The following BTBD8 variants were observed in gnomAD, a reference collection of about 807,000 sequenced individuals.
The protein encoded by BTBD8 is BTB domain containing 8.
Under a neutral mutation model 162.9 loss-of-function variants are expected in BTBD8, and 110 were observed. The observed-to-expected ratio is 0.68, with a 90% CI of 0.58 to 0.79. The LOEUF (loss-of-function observed/expected upper bound fraction) is 0.79. Among genes scored for constraint, BTBD8 ranks in the 30% least tolerant of loss-of-function variants. The pLI is 0.00. For synonymous variants in BTBD8, 667 were observed against 716.1 expected (o/e 0.93, Z 1.10); for missense variants, 1,905 against 2,085.4 (o/e 0.91, Z 1.68).
In BTBD8 at chr1:92,177,141, T is replaced by C. The variant is rs1211721194; in HGVS notation, c.1948T>C (p.Leu650=). The C allele has an allele frequency of 1.9e-6, 3 of 1,551,476 alleles. No homozygotes were observed. Among genetic ancestry groups the C allele is most frequent in the East Asian group, 4.9e-5 (2 of 40,914 alleles). The change falls in exon 14 of 18, where the codon TTG becomes CTG. Residue 650 remains leucine, a synonymous_variant. Coordinates refer to ENST00000636805, the MANE Select transcript of BTBD8 (RefSeq NM_001376131.1). ...SKTENGDKAR[L]ENMSPRQVVE... ...AACAGAAAATGGTGATAAGGCACGG[T>C]TGGAAAACATGTCACCTAGACAAGT...
intron 5 of BTBD8, among the ~76,000 whole-genome samples, chr1:92,134,130 A>T (rs1294443540): frequency 4.6e-5 from 1 of 21,726 alleles, no homozygotes; most frequent in East Asian, 0.045. Context: ...CACTTCTGTG[A>T]AGGAACTCCA....
Position 92,129,675 on chromosome 1 carries a change from T to C in BTBD8, c.663-12T>C, listed in dbSNP as rs772804282. 1.6e-5 allele frequency: 26 copies of C among 1,607,108 alleles called. No homozygotes were observed. The highest frequency in any genetic ancestry group is 2.2e-5 in the Non-Finnish European group (26 of 1,173,712). On this transcript the variant is annotated splice_polypyrimidine_tract_variant and intron_variant, in intron 4 of 17. Coordinates refer to ENST00000636805, the MANE Select transcript of BTBD8 (RefSeq NM_001376131.1). Reference sequence around the variant, plus strand: ...AATGTTTACCTGTGTTTCTCCCCCCTCTTCCCTTTAGGGCCATTTTGAGTG... The same window carrying C: ...AATGTTTACCTGTGTTTCTCCCCCCCCTTCCCTTTAGGGCCATTTTGAGTG...
In BTBD8 at chr1:92,176,853, G is replaced by T; in HGVS notation, c.1660G>T (p.Gly554Cys). Residue 554 changes from glycine (G) to cysteine (C), a missense_variant, in exon 14 of 18, where the codon GGT becomes TGT. Gly to Cys is a radical substitution (Grantham distance 159, BLOSUM62 -3). Transcript: ENST00000636805. The part of the protein sequence containing the change: ...SQQRKQVSDS[G>C]DIKIKSWRGN... The stretch of plus-strand genomic sequence containing the variant: ...GCAAAGGAAACAAGTTTCTGACTCT[G>T]GTGATATAAAAATCAAATCTTGGAG... The T allele has an allele frequency of 6.9e-7, 1 of 1,453,834 alleles. No individual in the cohort carries two copies. The highest frequency in any genetic ancestry group is 1.5e-5 in the South Asian group (1 of 66,624). The allele number at this position is 1,453,834 out of a possible 1,614,324, so 90.1% of individuals were successfully genotyped here.
At chr1:92,090,827 G>C (rs1342055905) in intron 2 of BTBD8, among the ~76,000 whole-genome samples, 1 of 152,174 alleles carries the variant, frequency 6.6e-6, no homozygotes, top group African/African-American at 2.4e-5. Context: ...AGCTACCTGG[G>C]AAGCTGAGGC....
intron 4 of BTBD8, 40 bp from the exon 5 acceptor site, chr1:92,129,647 G>A: frequency 2.8e-6 from 4 of 1,417,264 alleles, no homozygotes; most frequent in East Asian, 2.3e-5. Flanking sequence ...TGAATAATAT[G>A]TAAATGTTTA....
chr1:92,181,660 A>T lies in BTBD8; in HGVS notation c.3977A>T (p.Gln1326Leu). ...AGAATTGAAGTAAAAATGAAAAAGC[A>T]AAGTAATAATGATCTTTTCCAAGTT... ...NLRIEVKMKK[Q>L]SNNDLFQVNS... The change falls in exon 17 of 18, where the codon CAA becomes CTA. Residue 1326 changes from glutamine (Q) to leucine (L), a missense_variant. Physicochemically the swap from Gln to Leu is moderately radical, Grantham distance 113 (BLOSUM62 -2). Around this residue, in one of 3 missense-constraint regions of BTBD8, gnomAD observed 517 missense variants for 606.6 expected, o/e 0.85. Coordinates refer to ENST00000636805, the MANE Select transcript of BTBD8 (RefSeq NM_001376131.1). 1 of 1,550,800 alleles carries T rather than the reference A, an allele frequency of 6.4e-7. No individual in the cohort carries two copies. The highest frequency in any genetic ancestry group is 8.7e-7 in the Non-Finnish European group (1 of 1,146,456).
chr1:92,095,803 G>T (rs1648433793), intron 2 of BTBD8, among the ~76,000 whole-genome samples: 1 of 152,040 alleles, frequency 6.6e-6, no homozygotes, highest in African/African-American at 2.4e-5. Flanking sequence ...ACTACTCACT[G>T]CCATGTCAAA....
chr1:92,096,790 G>C (rs553679613), intron 2 of BTBD8, among the ~76,000 whole-genome samples: 1 of 152,084 alleles, frequency 6.6e-6, no homozygotes, highest in South Asian at 2.1e-4. Context: ...CTCCCACCTC[G>C]GTCTCACAAA....
chr1:92,147,908 A>G, intron 9 of BTBD8, 122 bp downstream of exon 9: 1 of 781,350 alleles, frequency 1.3e-6, no homozygotes, highest in South Asian at 1.9e-5. Flanking sequence ...GGCGTGAACC[A>G]ATTCAGATAA....
chr1:92,146,168 T>G, intron 7 of BTBD8, among the ~76,000 whole-genome samples: 1 of 151,754 alleles, frequency 6.6e-6, no homozygotes, highest in Middle Eastern at 3.4e-3. Context: ...AAAAAGATAT[T>G]TAACCTAAAA....
At chr1:92,110,124 T>C (rs566456077) in intron 4 of BTBD8, among the ~76,000 whole-genome samples, 1 of 152,298 alleles carries the variant, frequency 6.6e-6, no homozygotes, top group East Asian at 1.9e-4. Flanking sequence ...CTCTGTCCAT[T>C]CTTTACCATG....
At chr1:92,126,448 T>C (rs543778991) in intron 4 of BTBD8, 50 of 913,874 alleles carry the variant, frequency 5.5e-5, no homozygotes, top group African/African-American at 1.0e-4. Flanking sequence ...AGTACAACAG[T>C]TTTGTGTCAC....
intron 4 of BTBD8, among the ~76,000 whole-genome samples, chr1:92,111,389 C>G (rs556609371): frequency 4.6e-5 from 7 of 152,160 alleles, no homozygotes; most frequent in East Asian, 1.9e-4. Flanking sequence ...ATTAGACATT[C>G]ATTCATTTGG....
chr1:92,094,875 A>G (rs1169817222), intron 2 of BTBD8, among the ~76,000 whole-genome samples: 4 of 152,378 alleles, frequency 2.6e-5, no homozygotes, highest in African/African-American at 9.6e-5. Flanking sequence ...AGGTAAATAC[A>G]TAAAACAGCA....
chr1:92,122,668 G>A (rs1649248291), intron 4 of BTBD8, among the ~76,000 whole-genome samples: 1 of 152,084 alleles, frequency 6.6e-6, no homozygotes, highest in Non-Finnish European at 1.5e-5. Context: ...AGGTTCAAGA[G>A]ATTCTTGTGC....
rs1650840874 is a variant in BTBD8, at chr1:92,180,230, T to C, written c.2582-35T>C. 11 of 1,423,670 alleles carry C rather than the reference T, an allele frequency of 7.7e-6. No individual in the cohort carries two copies. The South Asian group carries it at 1.3e-4, about 17-fold the overall frequency. 88.2% of individuals were successfully genotyped at this position (1,423,670 alleles called of 1,614,324 possible). On this transcript the variant is annotated intron_variant, in intron 16 of 17. Coordinates refer to ENST00000636805, the MANE Select transcript of BTBD8 (RefSeq NM_001376131.1). ...TTTTACTCACAAATTGGAGGTGATA[T>C]TACATTACTGAATATACCCTCTTAC...
In BTBD8 at chr1:92,168,102, T is replaced by A. The variant is rs1245251247; in HGVS notation, c.1443+117T>A. The A allele has an allele frequency of 5.3e-6, 4 of 754,790 alleles. No individual in the cohort carries two copies. The Admixed American group carries it at 1.5e-4, about 29-fold the overall frequency. The allele number at this position is 754,790 out of a possible 1,614,324, so 46.8% of individuals were successfully genotyped here. ...AAGCTAGGCAGTGGATACCTAGGGG[T>A]GGATTAAGGTCTCTACTTTTGTATA... On this transcript the variant is annotated intron_variant, in intron 11 of 17. Coordinates refer to ENST00000636805, the MANE Select transcript of BTBD8 (RefSeq NM_001376131.1).
rs912849169 is a variant in BTBD8, at chr1:92,121,509, A to T, written c.663-8178A>T. On this transcript the variant is annotated intron_variant, in intron 4 of 17. Coordinates refer to ENST00000636805, the MANE Select transcript of BTBD8 (RefSeq NM_001376131.1). ...TTTATTAGAATTCACTAGGGAAGTT[A>T]TCTTGGCCTGTTACTTTCTTTCTTG... Among the ~76,000 whole-genome samples, 23 of 152,306 alleles carry T rather than the reference A, an allele frequency of 1.5e-4. No individual in the cohort carries two copies. The East Asian group carries it at 4.2e-3, about 28-fold the overall frequency.
intron 9 of BTBD8, among the ~76,000 whole-genome samples, chr1:92,159,681 G>A (rs982452999): frequency 1.3e-5 from 2 of 152,064 alleles, no homozygotes; most frequent in Non-Finnish European, 1.5e-5. Context: ...ATTCTTGGTC[G>A]GCAGGGTTTG....
Sources: gnomAD v4.1 joint callset for allele counts (sites outside exome capture counted in the v4.1 genomes callset) on GRCh38, gnomAD v4.1.1 for gene constraint, gnomAD v4.1.1 regional missense constraint, MANE v1.5 for transcripts, NCBI Gene and HGNC (gene_info 2026-07-23, HGNC 2026-07-21) for gene names.